Variants in LCP2 observed in about 807,000 individuals in gnomAD.
The protein encoded by LCP2 is lymphocyte cytosolic protein 2.
In LCP2, 29 loss-of-function variants were observed where a neutral mutation model predicts 74.5. The ratio of observed to expected loss-of-function variants is 0.39; its 90% CI spans 0.29 to 0.53. The LOEUF (loss-of-function observed/expected upper bound fraction) is 0.53, where lower values mean the gene tolerates loss of function less well. Ranked by LOEUF, LCP2 falls within the 20% of genes least tolerant of loss-of-function variation. The pLI is 0.72. For missense variants in LCP2, 604 were observed against 634.6 expected (o/e 0.95, Z 0.52); for synonymous variants, 228 against 229.5 (o/e 0.99, Z 0.06).
chr5:170,293,359 T>G lies in LCP2; in HGVS notation c.92A>C (p.Asp31Ala). The change falls in exon 2 of 21, where the codon GAC (aspartate) becomes GCC (alanine). Residue 31 changes from aspartate to alanine, a missense_variant. Physicochemically the swap from Asp to Ala is moderately radical, Grantham distance 126. Transcript: ENST00000046794. ...GTACTTCTTCACTGCCTTCTCACAGTCCTTATAGTTGAGCTGCAAAGAGAA... is the reference window on the plus strand; with the variant it reads ...GTACTTCTTCACTGCCTTCTCACAGGCCTTATAGTTGAGCTGCAAAGAGAA... ...ADYFKKLNYK[D>A]CEKAVKKYHI... The G allele has an allele frequency of 6.2e-7, 1 of 1,600,070 alleles. No individual in the cohort carries two copies. The highest frequency in any genetic ancestry group is 8.5e-7 in the Non-Finnish European group (1 of 1,172,916).
rs1374967500 is a variant in LCP2 at position 170,256,708 on chromosome 5, T to C, written c.1101-133A>G. 5.3e-5 allele frequency: 37 copies of C among 695,064 alleles called. No individual in the cohort carries two copies. In the East Asian group the frequency reaches 7.5e-4, roughly 14 times the overall value. 43.1% of individuals were successfully genotyped at this position (695,064 alleles called of 1,614,324 possible). The stretch of plus-strand genomic sequence containing the variant: ...ACTTTCCCTGCTGCCCCCAAAACCA[T>C]GGGGGCTGGGCACAGGGACAGAACA... On this transcript the variant is annotated intron_variant, in intron 16 of 20. Transcript: ENST00000046794. The surrounding 1 kb of genome is among the most constrained non-coding windows in gnomAD (Gnocchi z 4.5).
At position 170,256,487 on chromosome 5, in the gene LCP2, T is replaced by C. The variant is rs370848129; in HGVS notation, c.1150+39A>G. The C allele has an allele frequency of 2.1e-5, 32 of 1,558,862 alleles. No homozygotes were observed. The African/African-American group carries it at 4.1e-4, about 20-fold the overall frequency. On this transcript the variant is annotated intron_variant, in intron 17 of 20. Coordinates refer to ENST00000046794, the MANE Select transcript of LCP2 (RefSeq NM_005565.5). This position sits in a 1 kb window ranked among gnomAD's most constrained non-coding sequence, Gnocchi z 4.5. ...GGTTAGGGATCCAGTCATAAAGGCT[T>C]GATGGCTGAAGCACGTCACAAAAGC...
intron 3 of LCP2, among the ~76,000 whole-genome samples, chr5:170,278,411 G>GGGAGTGCAGGGGTGA (rs1762045294): frequency 3.7e-5 from 1 of 27,232 alleles, no homozygotes; most frequent in East Asian, 2.0e-3. Flanking sequence ...TGCAGGGGTT[G>GGGAGTGCAGGGGTGA]GGGGCGGGGG....
intron 3 of LCP2, among the ~76,000 whole-genome samples, chr5:170,280,490 C>T (rs1207958241): frequency 6.6e-5 from 10 of 152,084 alleles, no homozygotes; most frequent in East Asian, 1.9e-4. Flanking sequence ...CCTGAGAAGC[C>T]GGGGGCAGCC....
intron 16 of LCP2, among the ~76,000 whole-genome samples, chr5:170,257,561 G>A (rs1761577451): frequency 6.6e-6 from 1 of 152,084 alleles, no homozygotes; most frequent in African/African-American, 2.4e-5. Context: ...CTGCCCCTGG[G>A]CGGCCTCATA....
intron 3 of LCP2, among the ~76,000 whole-genome samples, chr5:170,278,105 G>C (rs911852388): frequency 6.6e-6 from 1 of 150,558 alleles, no homozygotes; most frequent in African/African-American, 2.5e-5. Context: ...TTAGTGTCCT[G>C]TGTCCTGGCC....
chr5:170,275,757 T>A (rs143127189), intron 4 of LCP2, 38 bp downstream of exon 4: 1 of 1,532,110 alleles, frequency 6.5e-7, no homozygotes. Context: ...AACTCGGGAC[T>A]GAAAAATCTT....
chr5:170,281,441 G>A (rs999246516), intron 3 of LCP2, among the ~76,000 whole-genome samples: 10 of 152,192 alleles, frequency 6.6e-5, no homozygotes, highest in East Asian at 1.9e-4. Flanking sequence ...CACCACACTC[G>A]GCTAATTGTT....
rs2113209559 is a variant in LCP2, at chr5:170,288,379, C to T, written c.142-363G>A. ...GCATTTGGCCATGTTAGGACCTCTT[C>T]CCTACACCCCAGACCTCAGGCCCTC... On this transcript the variant is annotated intron_variant, in intron 2 of 20. Coordinates refer to ENST00000046794, the MANE Select transcript of LCP2 (RefSeq NM_005565.5). Among the ~76,000 whole-genome samples, 6 of 152,310 alleles carry T rather than the reference C, an allele frequency of 3.9e-5. 1 individual carries two copies. The South Asian group carries it at 1.2e-3, about 32-fold the overall frequency.
chr5:170,263,083 A>T (rs879708655), intron 10 of LCP2, 91 bp from the exon 11 acceptor site: 10 of 1,466,074 alleles, frequency 6.8e-6, no homozygotes, highest in Non-Finnish European at 3.8e-6. Flanking sequence ...ATGAGTCTGA[A>T]CCCTCTTGGG....
intron 20 of LCP2, among the ~76,000 whole-genome samples, chr5:170,250,399 G>A (rs570554137): frequency 1.3e-5 from 2 of 152,242 alleles, no homozygotes; most frequent in South Asian, 2.1e-4. Flanking sequence ...TGCAGCCTAC[G>A]TTAAAATTAT....
Position 170,256,006 on chromosome 5 carries a change from C to A in LCP2, c.1150+520G>T, listed in dbSNP as rs1284525853. ...TTTGAACATGCTCCCCAACTCACAA[C>A]CATGGACAGATTGATCATGGAAATC... is the stretch of plus-strand genomic sequence containing the variant. On this transcript the variant is annotated intron_variant, in intron 17 of 20. Coordinates refer to ENST00000046794, the MANE Select transcript of LCP2 (RefSeq NM_005565.5). The surrounding 1 kb of genome is among the most constrained non-coding windows in gnomAD (Gnocchi z 4.5). Among the ~76,000 whole-genome samples, 2 of 152,176 alleles carry A rather than the reference C, an allele frequency of 1.3e-5. No homozygotes were observed. Among genetic ancestry groups the A allele is most frequent in the Non-Finnish European group, 2.9e-5 (2 of 68,032 alleles).
chr5:170,263,493 G>C (rs552356595), intron 10 of LCP2, among the ~76,000 whole-genome samples: 1 of 152,228 alleles, frequency 6.6e-6, no homozygotes, highest in African/African-American at 2.4e-5. Flanking sequence ...TTTTCACTTG[G>C]GGAGAGCATT....
At position 170,250,780 on chromosome 5, in the gene LCP2, G is replaced by A; in HGVS notation, c.1429C>T (p.Gln477Ter). Reference sequence around the variant, plus strand: ...AACAAGTAAACTTGACTTTCCTTCTGATAACGGATCTGGATGTTGTAAACT... The same window carrying A: ...AACAAGTAAACTTGACTTTCCTTCTAATAACGGATCTGGATGTTGTAAACT... ...DKVYNIQIRY[Q>*]KESQVYLLGT... is the part of the protein sequence containing the mutation. Residue 477 changes from glutamine to a stop codon, truncating the protein, a stop_gained, in exon 20 of 21, where the codon CAG becomes TAG. Transcript: ENST00000046794. LOFTEE classifies it low-confidence loss of function (END_TRUNC). 1 of 1,612,750 alleles carries A rather than the reference G, an allele frequency of 6.2e-7. No individual in the cohort carries two copies. The highest frequency in any genetic ancestry group is 1.7e-5 in the Admixed American group (1 of 60,028).
At chr5:170,258,796 C>G (rs1289930478) in intron 15 of LCP2, 70 bp downstream of exon 15, 2 of 1,135,100 alleles carry the variant, frequency 1.8e-6, no homozygotes, top group African/African-American at 1.5e-5. Context: ...CTAAACAATT[C>G]CACTTGAATG....
intron 19 of LCP2, chr5:170,251,191 T>C (rs181823864): frequency 3.9e-6 from 1 of 259,164 alleles, no homozygotes; most frequent in East Asian, 9.2e-5. Flanking sequence ...TAATGGGTGG[T>C]TGAGTGGATA....
intron 2 of LCP2, among the ~76,000 whole-genome samples, chr5:170,291,528 A>AG (rs1367000319): frequency 4.6e-5 from 7 of 152,314 alleles, no homozygotes; most frequent in African/African-American, 1.4e-4. Context: ...CATTGTCTGA[A>AG]GGACTGATAG....
At position 170,248,591 on chromosome 5, in the gene LCP2, G is replaced by A; in HGVS notation, c.*106C>T. 8.5e-7 allele frequency: 1 copy of A among 1,174,702 alleles called. No homozygotes were observed. Among genetic ancestry groups the A allele is most frequent in the South Asian group, 1.3e-5 (1 of 75,028 alleles). The allele number at this position is 1,174,702 out of a possible 1,614,324, so 72.8% of individuals were successfully genotyped here. ...AAGGATAAAACCCTTGTGTTCATGGGGAGGGGTTCAGTTCAGTCCTAAGTG... is the reference window on the plus strand; with the variant it reads ...AAGGATAAAACCCTTGTGTTCATGGAGAGGGGTTCAGTTCAGTCCTAAGTG... On this transcript the variant is annotated 3_prime_UTR_variant, in exon 21 of 21. Coordinates refer to ENST00000046794, the MANE Select transcript of LCP2 (RefSeq NM_005565.5).
rs535050789 is a variant in LCP2 at position 170,268,408 on chromosome 5, G to T, written c.598C>A (p.Pro200Thr). 1 of 771,080 alleles carries T rather than the reference G, an allele frequency of 1.3e-6. No homozygotes were observed. The highest frequency in any genetic ancestry group is 1.7e-6 in the Non-Finnish European group (1 of 587,242). 47.8% of individuals were successfully genotyped at this position (771,080 alleles called of 1,614,324 possible). A position where few individuals can be genotyped will look rare whatever the true frequency, so the allele number is the denominator to read the frequency against. The change falls in exon 8 of 21, where the codon CCA becomes ACA. Residue 200 changes from proline (P) to threonine (T), a missense_variant. Physicochemically the swap from Pro to Thr is conservative, Grantham distance 38. Transcript: ENST00000046794. ...ACCGAGTGATTCCGGCCGGCTGGTG[G>T]GGGCGGGAGGGCGGCCATCGGTCTC... The part of the protein sequence containing the change: ...PQRPMAALPP[P>T]PAGRNHSPLP...
Sources: allele counts gnomAD v4.1 joint callset (sites outside exome capture counted in the v4.1 genomes callset), GRCh38; gene constraint gnomAD v4.1.1; non-coding constraint Gnocchi (gnomAD v3.1); transcripts MANE v1.5; gene names NCBI Gene and HGNC (gene_info 2026-07-23, HGNC 2026-07-21).